Variants in SLC38A4 observed in about 807,000 individuals in gnomAD.
The protein encoded by SLC38A4 is solute carrier family 38 member 4, also known as sodium-coupled neutral amino acid transporter 4.
A neutral mutation model predicts 63.1 loss-of-function variants in SLC38A4; 20 were observed. The ratio of observed to expected loss-of-function variants is 0.32; its 90% CI spans 0.22 to 0.46. The LOEUF (loss-of-function observed/expected upper bound fraction) is 0.46. Ranked by LOEUF, SLC38A4 falls within the 20% of genes least tolerant of loss-of-function variation. SLC38A4 has a pLI of 1.00. For missense variants in SLC38A4, 526 were observed against 663.6 expected, an observed-to-expected ratio of 0.79 and a Z score of 2.28; for synonymous variants, 230 against 225.5, an observed-to-expected ratio of 1.02 and a Z score of -0.18.
chr12:46,821,253 T>G (rs1205275068), intron 1 of SLC38A4, among the ~76,000 whole-genome samples: 6 of 152,032 alleles, frequency 3.9e-5, no homozygotes. Flanking sequence ...TGTTAAAAAG[T>G]TTTTCCCTAT....
rs1938342452 is a variant in SLC38A4 at position 46,768,425 on chromosome 12, G to T, written c.1445-18C>A. ...AGAAGCCCCTGAGAAGACAAACACAGGGCAAGGTCAATGTCTTACCCAGCA... is the reference window on the plus strand; with the variant it reads ...AGAAGCCCCTGAGAAGACAAACACATGGCAAGGTCAATGTCTTACCCAGCA... On this transcript the variant is annotated intron_variant, in intron 15 of 16. Transcript: ENST00000266579. The T allele has an allele frequency of 3.8e-6, 6 of 1,593,086 alleles. No individual in the cohort carries two copies. The highest frequency in any genetic ancestry group is 5.1e-6 in the Non-Finnish European group (6 of 1,165,318).
chr12:46,771,887 G>T (rs958754146), intron 14 of SLC38A4, among the ~76,000 whole-genome samples: 1 of 151,916 alleles, frequency 6.6e-6, no homozygotes, highest in Non-Finnish European at 1.5e-5. Flanking sequence ...GACACAAGTC[G>T]CTAGGAACCT....
rs1304489359 is a variant in SLC38A4, at chr12:46,817,831, A to G, written c.-305+8072T>C. 2.6e-5 allele frequency among the ~76,000 whole-genome samples: 4 copies of G among 151,988 alleles called. No homozygotes were observed. In the East Asian group the frequency reaches 7.7e-4, roughly 29 times the overall value. On this transcript the variant is annotated intron_variant, in intron 1 of 16. Coordinates refer to ENST00000266579, the MANE Select transcript of SLC38A4 (RefSeq NM_018018.5). Reference sequence around the variant, plus strand: ...AGCAAATTCATACTATGATTTTTGCATAGCTGACTGCAGTTAAAATTAATT... The same window carrying G: ...AGCAAATTCATACTATGATTTTTGCGTAGCTGACTGCAGTTAAAATTAATT...
chr12:46,769,221 C>G, intron 15 of SLC38A4, 63 bp downstream of exon 15: 4 of 1,577,924 alleles, frequency 2.5e-6, no homozygotes, highest in Non-Finnish European at 3.5e-6. Flanking sequence ...CACTGGTTCC[C>G]TGTCCATCAT....
upstream of SLC38A4, among the ~76,000 whole-genome samples, chr12:46,828,114 T>C (rs1176730384): frequency 6.6e-6 from 1 of 152,076 alleles, no homozygotes; most frequent in African/African-American, 2.4e-5. Flanking sequence ...TCCCTCCTTA[T>C]CCTTTCTCAG....
chr12:46,800,296 C>G (rs1426166600), intron 2 of SLC38A4, among the ~76,000 whole-genome samples: 1 of 152,098 alleles, frequency 6.6e-6, no homozygotes. Flanking sequence ...ACTGAAGGCC[C>G]TACTGTGATT....
At chr12:46,805,140 G>A (rs1045078944) in intron 1 of SLC38A4, among the ~76,000 whole-genome samples, 6 of 151,804 alleles carry the variant, frequency 4.0e-5, no homozygotes, top group South Asian at 2.1e-4. Flanking sequence ...TGTATAGATC[G>A]TTAAAGTTTT....
At position 46,766,186 on chromosome 12, in the gene SLC38A4, A is replaced by C. The variant is rs1938295208; in HGVS notation, c.*515T>G. 2.9e-6 allele frequency: 1 copy of C among 342,894 alleles called. No homozygotes were observed. The highest frequency in any genetic ancestry group is 5.8e-6 in the Non-Finnish European group (1 of 173,714). 21.2% of individuals were successfully genotyped at this position (342,894 alleles called of 1,614,324 possible). A position where few individuals can be genotyped will look rare whatever the true frequency, so the allele number is the denominator to read the frequency against. ...GTTTGACCATTCATGTACCTTACAGAAACAGAAACAGTTCCTAAGACATGC... is the reference window on the plus strand; with the variant it reads ...GTTTGACCATTCATGTACCTTACAGCAACAGAAACAGTTCCTAAGACATGC... On this transcript the variant is annotated 3_prime_UTR_variant, in exon 17 of 17. Coordinates refer to ENST00000266579, the MANE Select transcript of SLC38A4 (RefSeq NM_018018.5).
chr12:46,785,002 T>G, intron 6 of SLC38A4, 102 bp downstream of exon 6: 1 of 1,018,610 alleles, frequency 9.8e-7, no homozygotes, highest in Non-Finnish European at 1.5e-6. Flanking sequence ...GAAAATGAAA[T>G]GTGAAACTGA....
At chr12:46,830,684 G>A (rs1451721955), upstream of SLC38A4, among the ~76,000 whole-genome samples, 1 of 152,190 alleles carries the variant, frequency 6.6e-6, no homozygotes, top group South Asian at 2.1e-4. Flanking sequence ...CAAGCAGTGG[G>A]TCCTTTAGCC....
upstream of SLC38A4, among the ~76,000 whole-genome samples, chr12:46,829,045 T>C (rs1000354140): frequency 2.6e-5 from 4 of 152,254 alleles, no homozygotes; most frequent in Non-Finnish European, 1.5e-5. Context: ...TTGCATAGGA[T>C]GAATTTTATT....
Position 46,765,456 on chromosome 12 carries a change from G to C in SLC38A4, c.*1245C>G. The C allele has an allele frequency of 2.7e-6, 1 of 371,742 alleles. No individual in the cohort carries two copies. The highest frequency in any genetic ancestry group is 1.1e-4 in the East Asian group (1 of 9,060). The allele number at this position is 371,742 out of a possible 1,614,324, so 23.0% of individuals were successfully genotyped here. A position where few individuals can be genotyped will look rare whatever the true frequency, so the allele number is the denominator to read the frequency against. On this transcript the variant is annotated 3_prime_UTR_variant, in exon 17 of 17. Coordinates refer to ENST00000266579, the MANE Select transcript of SLC38A4 (RefSeq NM_018018.5). ...TAAATTAAAAGAACAACTTTAGTAT[G>C]ATAAAAATTTGCAAAAAGAAACTTA... is the stretch of plus-strand genomic sequence containing the variant.
intron 1 of SLC38A4, among the ~76,000 whole-genome samples, chr12:46,810,973 A>T (rs1939329420): frequency 6.6e-6 from 1 of 152,056 alleles, no homozygotes; most frequent in African/African-American, 2.4e-5. Context: ...GAATAGGAAA[A>T]AAATGATTGT....
At chr12:46,809,664 G>A (rs924956273) in intron 1 of SLC38A4, among the ~76,000 whole-genome samples, 1 of 151,984 alleles carries the variant, frequency 6.6e-6, no homozygotes, top group Non-Finnish European at 1.5e-5. Context: ...TTGGAAGGCT[G>A]GGTATAAAAT....
At chr12:46,783,227 TGATAGATAGATAGATAGATAGATA>T in intron 7 of SLC38A4, among the ~76,000 whole-genome samples, 1 of 143,818 alleles carries the variant, frequency 7.0e-6, no homozygotes, top group East Asian at 2.1e-4. Flanking sequence ...AATTGATAGA[TGATAGATAGATAGATAGATAGATA>T]GATAGATAGA....
intron 5 of SLC38A4, among the ~76,000 whole-genome samples, chr12:46,787,365 G>T (rs1938784270): frequency 6.6e-6 from 1 of 152,120 alleles, no homozygotes; most frequent in Non-Finnish European, 1.5e-5. Context: ...ATTTGCCCCA[G>T]TCATGGAGAT....
At chr12:46,797,284 G>C (rs532971459) in intron 2 of SLC38A4, among the ~76,000 whole-genome samples, 11 of 152,076 alleles carry the variant, frequency 7.2e-5, no homozygotes, top group Non-Finnish European at 1.5e-4. Context: ...TGAATCAATA[G>C]ACTGAGTAAA....
chr12:46,777,252 C>T (rs533339726), intron 12 of SLC38A4, among the ~76,000 whole-genome samples: 9 of 151,910 alleles, frequency 5.9e-5, no homozygotes, highest in Middle Eastern at 6.3e-3. Flanking sequence ...GTCTATTTCA[C>T]GTAGGTCAGT....
At chr12:46,794,195 A>G (rs990365110) in intron 2 of SLC38A4, among the ~76,000 whole-genome samples, 6 of 152,268 alleles carry the variant, frequency 3.9e-5, no homozygotes, top group African/African-American at 1.4e-4. Context: ...TCTGACAAAC[A>G]GAAACTACCA....
Sources: allele counts gnomAD v4.1 joint callset (sites outside exome capture counted in the v4.1 genomes callset), GRCh38; gene constraint gnomAD v4.1.1; transcripts MANE v1.5; gene names NCBI Gene and HGNC (gene_info 2026-07-23, HGNC 2026-07-21).